Variants in INTS1 observed in about 807,000 individuals in gnomAD.
INTS1 encodes the protein integrator complex subunit 1.
Under a neutral mutation model 241.6 loss-of-function variants are expected in INTS1, and 137 were observed. That is an observed-to-expected ratio of 0.57 (90% CI 0.49 to 0.65). INTS1 has a LOEUF of 0.65. Among genes scored for constraint, INTS1 ranks in the 30% least tolerant of loss-of-function variants. The probability of loss-of-function intolerance (pLI) is 0.00; values close to 1 mark genes in which losing one functional copy is unlikely to be tolerated. For synonymous variants in INTS1, 1,692 were observed against 1,337.8 expected (o/e 1.26, Z -5.78); for missense variants, 3,073 against 3,032.2 (o/e 1.01, Z -0.32).
chr7:1,481,324 A>C lies in INTS1; in HGVS notation c.3850+18T>G. 6.2e-7 allele frequency: 1 copy of C among 1,612,392 alleles called. No homozygotes were observed. Among genetic ancestry groups the C allele is most frequent in the Non-Finnish European group, 8.5e-7 (1 of 1,179,622 alleles). ...GTCAGCGTGTGTGAACCCACTCCGC[A>C]GGTCCCTGGCATCTTACTCTTGTCC... On this transcript the variant is annotated intron_variant, in intron 28 of 47. Coordinates refer to ENST00000404767, the MANE Select transcript of INTS1 (RefSeq NM_001080453.3). This position sits in a 1 kb window ranked among gnomAD's most constrained non-coding sequence, Gnocchi z 6.8.
rs767857574 is a variant in INTS1, at chr7:1,470,686, G to A, written c.6464C>T (p.Ala2155Val). 3.9e-5 allele frequency: 60 copies of A among 1,552,546 alleles called. No individual in the cohort carries two copies. The highest frequency in any genetic ancestry group is 2.8e-4 in the East Asian group (12 of 42,278). Residue 2155 changes from alanine (A) to valine (V), a missense_variant, in exon 48 of 48, where the codon GCG becomes GTG. Transcript: ENST00000404767. The stretch of plus-strand genomic sequence containing the variant: ...GAAGGCCCGGTGGAGCAGCACAGCC[G>A]CGTGCTCTGTGGGGGAAACGGGGCC... Reference protein sequence around the residue: ...PEYALLCQEHAAVLLHRAFLV... With the variant: ...PEYALLCQEHVAVLLHRAFLV...
chr7:1,486,376 G>A (rs918475616), intron 22 of INTS1, among the ~76,000 whole-genome samples: 1 of 151,676 alleles, frequency 6.6e-6, no homozygotes, highest in Non-Finnish European at 1.5e-5. Flanking sequence ...CGAGTCTCCT[G>A]CCTCAGCCTC....
Position 1,479,648 on chromosome 7 carries a change from A to G in INTS1, c.4111T>C (p.Ser1371Pro). The G allele has an allele frequency of 6.7e-7, 1 of 1,499,658 alleles. No homozygotes were observed. The highest frequency in any genetic ancestry group is 8.9e-7 in the Non-Finnish European group (1 of 1,121,382). 92.9% of individuals were successfully genotyped at this position (1,499,658 alleles called of 1,614,324 possible). ...GCGAGGGCCACGGGGCGGGGACTGG[A>G]GCTCTGCCACCGAGGGTCCGGGCTG... is the stretch of plus-strand genomic sequence containing the variant. ...PLSPDPRWQSSSPRPVALALQ... is the reference protein window; with the variant it reads ...PLSPDPRWQSPSPRPVALALQ... Residue 1371 changes from serine (S) to proline (P), a missense_variant, in exon 31 of 48, where the codon TCC becomes CCC. Transcript: ENST00000404767.
chr7:1,499,945 G>A lies in INTS1; in HGVS notation c.623C>T (p.Ala208Val), dbSNP rs948532733. The stretch of plus-strand genomic sequence containing the variant: ...GTAGGCGGCCATGAGGAGGTTACAG[G>A]CCAGCACAGACACCAGGCTGTTCCC... ...AKGNSLVSVL[A>V]CNLLMAAYEE... Residue 208 changes from alanine to valine, a missense_variant, in exon 5 of 48, where the codon GCC (alanine) becomes GTC (valine). Transcript: ENST00000404767. 6.2e-7 allele frequency: 1 copy of A among 1,613,704 alleles called. No homozygotes were observed. The highest frequency in any genetic ancestry group is 8.5e-7 in the Non-Finnish European group (1 of 1,179,862).
Position 1,503,993 on chromosome 7 carries a change from C to A in INTS1, c.-33G>T. 5 of 1,515,122 alleles carry A rather than the reference C, an allele frequency of 3.3e-6. No homozygotes were observed. Among genetic ancestry groups the A allele is most frequent in the Non-Finnish European group, 3.6e-6 (4 of 1,122,270 alleles). 93.9% of individuals were successfully genotyped at this position (1,515,122 alleles called of 1,614,324 possible). A position where few individuals can be genotyped will look rare whatever the true frequency, so the allele number is the denominator to read the frequency against. ...CGTCCCTCGCGGCTCCCGGCGGCTGCGGCGTCACCTGCGGAGGAGCCAGCG... is the reference window on the plus strand; with the variant it reads ...CGTCCCTCGCGGCTCCCGGCGGCTGAGGCGTCACCTGCGGAGGAGCCAGCG... On this transcript the variant is annotated 5_prime_UTR_variant, in exon 2 of 48. Transcript: ENST00000404767.
At chr7:1,495,691 C>CTGGGAGGCA (rs1782813804) in intron 12 of INTS1, 138 bp from the exon 13 acceptor site, 2 of 1,114,932 alleles carry the variant, frequency 1.8e-6, no homozygotes, top group South Asian at 2.8e-5. Flanking sequence ...CGATTCCCAG[C>CTGGGAGGCA]TGGAATAACA....
chr7:1,488,022 GC>G, intron 18 of INTS1, 65 bp from the exon 19 acceptor site: 1 of 1,537,902 alleles, frequency 6.5e-7, no homozygotes, highest in Admixed American at 1.7e-5. Flanking sequence ...AGTGGGCCAC[GC>G]TCAGGGTCAA....
intron 39 of INTS1, 59 bp from the exon 40 acceptor site, chr7:1,474,897 A>T: frequency 2.6e-6 from 4 of 1,523,178 alleles, no homozygotes; most frequent in Non-Finnish European, 3.5e-6. Context: ...GCCCACCCAC[A>T]CTCAGCCTGG....
chr7:1,497,121 G>T lies in INTS1; in HGVS notation c.1602+17C>A. 6.3e-7 allele frequency: 1 copy of T among 1,585,662 alleles called. No homozygotes were observed. On this transcript the variant is annotated intron_variant, in intron 11 of 47. Coordinates refer to ENST00000404767, the MANE Select transcript of INTS1 (RefSeq NM_001080453.3). The surrounding 1 kb of genome is among the most constrained non-coding windows in gnomAD (Gnocchi z 5.3). Reference sequence around the variant, plus strand: ...CCCGCAGTGAGGGAAAGGCGCCCCAGCGGCGAGGGCTGGCACCTTGAACTC... The same window carrying T: ...CCCGCAGTGAGGGAAAGGCGCCCCATCGGCGAGGGCTGGCACCTTGAACTC...
In INTS1 at chr7:1,485,153, T is replaced by C. The variant is rs368750317; in HGVS notation, c.3206A>G (p.Tyr1069Cys). The change falls in exon 24 of 48, where the codon TAC becomes TGC. Residue 1069 changes from tyrosine (Y) to cysteine (C), a missense_variant. Tyr to Cys is a radical substitution (Grantham distance 194). Transcript: ENST00000404767. ...CTCCACAGGCGTGTGCTGGGACAAG[T>C]AGATCAGGTAGGCGCTGATGGTCTG... is the stretch of plus-strand genomic sequence containing the variant. ...DPQTISAYLI[Y>C]LSQHTPVEEQ... 1.1e-5 allele frequency: 17 copies of C among 1,600,996 alleles called. No individual in the cohort carries two copies. The highest frequency in any genetic ancestry group is 1.4e-5 in the Non-Finnish European group (16 of 1,179,616).
chr7:1,500,587 G>A (rs996889011), intron 3 of INTS1, among the ~76,000 whole-genome samples: 14 of 152,178 alleles, frequency 9.2e-5, no homozygotes, highest in Admixed American at 2.0e-4. Context: ...TAGCCCACCA[G>A]CCACTCCAGT....
At chr7:1,471,544 G>T in intron 45 of INTS1, 27 bp downstream of exon 45, 5 of 1,608,938 alleles carry the variant, frequency 3.1e-6, no homozygotes, top group Non-Finnish European at 4.2e-6. Flanking sequence ...GCTCCTCCCA[G>T]CTCTCCCTCA....
chr7:1,483,877 G>A (rs923065743), intron 25 of INTS1, 24 bp from the exon 26 acceptor site: 1 of 1,601,554 alleles, frequency 6.2e-7, no homozygotes, highest in Non-Finnish European at 8.5e-7. Context: ...GGTGGAGTCA[G>A]GCCGTAAGGT....
chr7:1,480,501 G>A (rs547007973), intron 29 of INTS1, 60 bp from the exon 30 acceptor site: 13 of 1,570,266 alleles, frequency 8.3e-6, no homozygotes, highest in Middle Eastern at 3.4e-4. Context: ...CCAGCGGTGG[G>A]AACTGTACAA....
chr7:1,482,768 G>T, intron 26 of INTS1, 61 bp from the exon 27 acceptor site: 3 of 1,576,400 alleles, frequency 1.9e-6, no homozygotes, highest in Non-Finnish European at 2.6e-6. Flanking sequence ...CCCAAGCACC[G>T]CTGGTGCCAA....
Position 1,489,618 on chromosome 7 carries a change from C to G in INTS1, c.2230G>C (p.Val744Leu). The change falls in exon 17 of 48, where the codon GTC (valine) becomes CTC (leucine). Residue 744 changes from valine (V) to leucine (L), a missense_variant. By Grantham distance (32) the Val-to-Leu change is conservative. Transcript: ENST00000404767. ...YWKAWPLLLVVAAFNPENIGL... is the reference protein window; with the variant it reads ...YWKAWPLLLVLAAFNPENIGL... ...ATGTTCTCTGGGTTGAATGCGGCGA[C>G]GACCAGCAGGAGGGGCCAGGCCTTC... 1 of 1,589,506 alleles carries G rather than the reference C, an allele frequency of 6.3e-7. No individual in the cohort carries two copies. Among genetic ancestry groups the G allele is most frequent in the Non-Finnish European group, 8.6e-7 (1 of 1,166,726 alleles).
At chr7:1,471,819 C>A in intron 44 of INTS1, 178 bp from the exon 45 acceptor site, 1 of 623,210 alleles carries the variant, frequency 1.6e-6, no homozygotes, top group Non-Finnish European at 2.8e-6. Context: ...AAATACCCGG[C>A]CCTGCCCCTA....
intron 26 of INTS1, 67 bp from the exon 27 acceptor site, chr7:1,482,774 G>T: frequency 6.4e-7 from 1 of 1,566,360 alleles, no homozygotes. Flanking sequence ...CACCGCTGGT[G>T]CCAAGGCTAG....
chr7:1,497,348 C>T lies in INTS1; in HGVS notation c.1426-34G>A, dbSNP rs1196623719. On this transcript the variant is annotated intron_variant, in intron 10 of 47. Coordinates refer to ENST00000404767, the MANE Select transcript of INTS1 (RefSeq NM_001080453.3). This position sits in a 1 kb window ranked among gnomAD's most constrained non-coding sequence, Gnocchi z 5.3. Reference sequence around the variant, plus strand: ...GAGAGAGGCCGCGTGGGAGGCTGCCCGACAGTGCTGTCCCTGTCACAGGCC... The same window carrying T: ...GAGAGAGGCCGCGTGGGAGGCTGCCTGACAGTGCTGTCCCTGTCACAGGCC... 10 of 1,593,790 alleles carry T rather than the reference C, an allele frequency of 6.3e-6. No homozygotes were observed. In the East Asian group the frequency reaches 6.7e-5, roughly 11 times the overall value.
Sources: gnomAD v4.1 joint callset for allele counts (sites outside exome capture counted in the v4.1 genomes callset) on GRCh38, gnomAD v4.1.1 for gene constraint, Gnocchi (gnomAD v3.1) non-coding constraint, MANE v1.5 for transcripts, NCBI Gene and HGNC (gene_info 2026-07-23, HGNC 2026-07-21) for gene names.